The following NEDD9 variants were observed in gnomAD, a reference collection of about 807,000 sequenced individuals.
The protein encoded by NEDD9 is neural precursor cell expressed, developmentally down-regulated 9, also known as enhancer of filamentation 1.
NEDD9 carries 26 observed loss-of-function variants against 76.6 expected under a neutral mutation model. That is an observed-to-expected ratio of 0.34 (90% CI 0.25 to 0.47). The LOEUF is 0.47. NEDD9 is among the 20% of genes least tolerant of loss of function. The pLI is 1.00. For synonymous variants in NEDD9, 392 were observed against 414.2 expected (o/e 0.95, Z 0.65); for missense variants, 937 against 1,058.5 (o/e 0.89, Z 1.59).
At chr6:11,366,311 G>GA (rs1390734251) in intron 1 of NEDD9, among the ~76,000 whole-genome samples, 3 of 143,598 alleles carry the variant, frequency 2.1e-5, no homozygotes, top group African/African-American at 8.0e-5. Flanking sequence ...AAGAAAGAAA[G>GA]AGAAAGAAAG....
chr6:11,331,808 C>T (rs754269622), intron 2 of NEDD9, among the ~76,000 whole-genome samples: 13 of 152,202 alleles, frequency 8.5e-5, no homozygotes, highest in Non-Finnish European at 1.8e-4. Context: ...ACATAAGCAG[C>T]TTTTACGGGT....
intron 2 of NEDD9, among the ~76,000 whole-genome samples, chr6:11,328,068 T>C (rs1168134857): frequency 6.6e-6 from 1 of 152,238 alleles, no homozygotes; most frequent in Non-Finnish European, 1.5e-5. Flanking sequence ...AGAACAGGCC[T>C]GCTGCCTGCT....
intron 1 of NEDD9, among the ~76,000 whole-genome samples, chr6:11,334,821 G>A (rs774950493): frequency 2.0e-5 from 3 of 152,166 alleles, no homozygotes; most frequent in Non-Finnish European, 4.4e-5. Context: ...TTGTAAAGCA[G>A]CAGAGACAAC....
intron 2 of NEDD9, among the ~76,000 whole-genome samples, chr6:11,315,905 G>A (rs116140172): frequency 0.037 from 5,654 of 152,304 alleles, 162 homozygotes; most frequent in Middle Eastern, 0.058. Flanking sequence ...CCAACCACCT[G>A]ACCAGGAAAA....
chr6:11,346,366 T>C (rs1452780377), intron 1 of NEDD9, among the ~76,000 whole-genome samples: 1 of 152,110 alleles, frequency 6.6e-6, no homozygotes, highest in Non-Finnish European at 1.5e-5. Flanking sequence ...CTAAAGAATG[T>C]GGGAGACCAG....
At chr6:11,334,667 T>A (rs2003664) in intron 1 of NEDD9, 44,118 of 152,224 alleles carry the variant, frequency 0.29, 7,712 homozygotes, top group Middle Eastern at 0.44. Flanking sequence ...ATGTTATACA[T>A]CATTTTAATG....
At chr6:11,205,818 G>T (rs1175317048) in intron 2 of NEDD9, among the ~76,000 whole-genome samples, 1 of 152,084 alleles carries the variant, frequency 6.6e-6, no homozygotes, top group Non-Finnish European at 1.5e-5. Context: ...AGTGGAGACG[G>T]GGTTTCATGG....
chr6:11,213,417 A>C lies in NEDD9; in HGVS notation c.323T>G (p.Val108Gly). The part of the protein sequence containing the change: ...QAAPRDTIYQ[V>G]PPSYQNQGIY... Reference sequence around the variant, plus strand: ...TCCCTGATTTTGGTAGGAAGGTGGCACTTGGTAGATGGTGTCTCGGGGAGC... The same window carrying C: ...TCCCTGATTTTGGTAGGAAGGTGGCCCTTGGTAGATGGTGTCTCGGGGAGC... The change falls in exon 2 of 7, where the codon GTG becomes GGG. Residue 108 changes from valine (V) to glycine (G), a missense_variant. Coordinates refer to ENST00000379446, the MANE Select transcript of NEDD9 (RefSeq NM_006403.4). This position sits in a 1 kb window ranked among gnomAD's most constrained non-coding sequence, Gnocchi z 5.4. 6.2e-7 allele frequency: 1 copy of C among 1,612,784 alleles called. No homozygotes were observed. Among genetic ancestry groups the C allele is most frequent in the East Asian group, 2.2e-5 (1 of 44,844 alleles).
chr6:11,326,215 G>A (rs1026411573), intron 2 of NEDD9, among the ~76,000 whole-genome samples: 4 of 151,578 alleles, frequency 2.6e-5, no homozygotes, highest in African/African-American at 7.3e-5. Flanking sequence ...GCTGGACTTT[G>A]TTATCAGAAG....
chr6:11,314,342 T>TG (rs1761476352), intron 2 of NEDD9, among the ~76,000 whole-genome samples: 1 of 152,140 alleles, frequency 6.6e-6, no homozygotes, highest in Non-Finnish European at 1.5e-5. Context: ...AGACTCTCAG[T>TG]GGGGCTCTGT....
At chr6:11,325,094 G>A (rs910651467) in intron 2 of NEDD9, among the ~76,000 whole-genome samples, 3 of 152,106 alleles carry the variant, frequency 2.0e-5, no homozygotes. Flanking sequence ...GGTGGATTAC[G>A]CCTGTAATCC....
intron 3 of NEDD9, chr6:11,305,903 G>T (rs1044646795): frequency 2.1e-6 from 3 of 1,460,308 alleles, no homozygotes; most frequent in East Asian, 2.3e-5. Flanking sequence ...AAAAAAACAT[G>T]ATTTGTATTA....
chr6:11,380,043 G>A lies in NEDD9; in HGVS notation c.-214+2096C>T, dbSNP rs75012002. 7.9e-5 allele frequency among the ~76,000 whole-genome samples: 12 copies of A among 152,330 alleles called. No individual in the cohort carries two copies. In the East Asian group the frequency reaches 2.3e-3, roughly 29 times the overall value. ...CATGGAGACATGTCAAGCCTAAGGT[G>A]CTCTCCATGCTGTGCCTGTGCCCTT... On this transcript the variant is annotated intron_variant, in intron 1 of 3. Coordinates refer to the NEDD9 transcript ENST00000397378.
upstream of NEDD9, chr6:11,233,283 C>G: frequency 1.9e-6 from 1 of 519,036 alleles, no homozygotes; most frequent in Non-Finnish European, 3.8e-6. Context: ...AGACAATTCT[C>G]CCTTAGTGAA....
chr6:11,349,104 G>A (rs141955082), intron 1 of NEDD9, among the ~76,000 whole-genome samples: 1,871 of 152,094 alleles, frequency 0.012, 22 homozygotes, highest in Non-Finnish European at 0.021. Context: ...TAAAAATTTG[G>A]CAAAGGACAT....
At chr6:11,239,167 T>TA (rs1759662202) in intron 3 of NEDD9, among the ~76,000 whole-genome samples, 1 of 151,814 alleles carries the variant, frequency 6.6e-6, no homozygotes, top group East Asian at 2.0e-4. Flanking sequence ...ACCCTGTCTC[T>TA]AAAAAAATAA....
At chr6:11,373,870 G>C (rs186818244) in intron 1 of NEDD9, among the ~76,000 whole-genome samples, 2 of 152,074 alleles carry the variant, frequency 1.3e-5, no homozygotes, top group South Asian at 2.1e-4. Flanking sequence ...TCAGTTGAAG[G>C]CCTTAATAGA....
rs550775157 is a variant in NEDD9 at position 11,345,453 on chromosome 6, G to A, written c.-213-10892C>T. ...AGATGGAGCATCGAGCAAGACAGCA[G>A]GTGAGAGAGAGAGAGTGTGTGTGTG... On this transcript the variant is annotated intron_variant, in intron 1 of 3. Transcript: ENST00000397378. Among the ~76,000 whole-genome samples, 349 of 151,654 alleles carry A rather than the reference G, an allele frequency of 2.3e-3. 1 individual carries two copies. The highest frequency in any genetic ancestry group is 8.1e-3 in the African/African-American group (332 of 41,002).
At position 11,241,806 on chromosome 6, in the gene NEDD9, G is replaced by A. The variant is rs1247799525; in HGVS notation, c.13-28079C>T. Among the ~76,000 whole-genome samples the A allele has an allele frequency of 6.6e-6, 1 of 152,156 alleles. No homozygotes were observed. Among genetic ancestry groups the A allele is most frequent in the African/African-American group, 2.4e-5 (1 of 41,432 alleles). ...CCCGCTGCCCTCATCAGCTGAGGCC[G>A]GCCAATGTCCAGCAGGCCCCGGGCC... is the stretch of plus-strand genomic sequence containing the variant. On this transcript the variant is annotated intron_variant, in intron 3 of 3. Transcript: ENST00000397378. The surrounding 1 kb of genome is among the most constrained non-coding windows in gnomAD (Gnocchi z 4.0).
Sources: allele counts gnomAD v4.1 joint callset (sites outside exome capture counted in the v4.1 genomes callset), GRCh38; gene constraint gnomAD v4.1.1; non-coding constraint Gnocchi (gnomAD v3.1); transcripts MANE v1.5; gene names NCBI Gene and HGNC (gene_info 2026-07-23, HGNC 2026-07-21).